Variants in SARNP observed in about 807,000 individuals in gnomAD.
The protein encoded by SARNP is SAP domain-containing ribonucleoprotein.
SARNP carries 5 observed loss-of-function variants against 38.1 expected under a neutral mutation model. The observed-to-expected ratio is 0.13, with a 90% CI of 0.07 to 0.28. SARNP has a LOEUF of 0.28. SARNP is among the 10% of genes least tolerant of loss of function. The pLI, the probability that SARNP is intolerant of heterozygous loss-of-function variation, is 1.00. For missense variants in SARNP, 180 were observed against 243.9 expected (o/e 0.74, Z 1.75); for synonymous variants, 84 against 80.6 (o/e 1.04, Z -0.23).
At chr12:55,817,159 C>T (rs764535874) in intron 1 of SARNP, among the ~76,000 whole-genome samples, 1 of 152,100 alleles carries the variant, frequency 6.6e-6, no homozygotes, top group Admixed American at 6.5e-5. Context: ...CGGCTTGGGG[C>T]GTAATCCCAC....
chr12:55,759,011 TG>T (rs1309949048), intron 10 of SARNP, among the ~76,000 whole-genome samples: 1 of 151,682 alleles, frequency 6.6e-6, no homozygotes, highest in Non-Finnish European at 1.5e-5. Flanking sequence ...CTGGAGTAGC[TG>T]GGACTACAGG....
intron 1 of SARNP, among the ~76,000 whole-genome samples, chr12:55,811,149 A>G (rs1191738607): frequency 6.6e-6 from 1 of 152,162 alleles, no homozygotes; most frequent in Non-Finnish European, 1.5e-5. Context: ...CTTTGAAGGC[A>G]GAGATGTTTT....
chr12:55,789,670 G>A (rs1466473608), intron 8 of SARNP, among the ~76,000 whole-genome samples: 2 of 152,074 alleles, frequency 1.3e-5, no homozygotes, highest in South Asian at 2.1e-4. Context: ...AGGGCCAGGC[G>A]CGGTGGCTCA....
chr12:55,757,502 G>C lies in SARNP; in HGVS notation c.*10C>G. 1 of 1,605,236 alleles carries C rather than the reference G, an allele frequency of 6.2e-7. No individual in the cohort carries two copies. The highest frequency in any genetic ancestry group is 1.3e-5 in the African/African-American group (1 of 74,536). On this transcript the variant is annotated 3_prime_UTR_variant, in exon 11 of 11. Transcript: ENST00000336133. ...AACACTGGAGAACAGAAAGTATCAG[G>C]AACTTTTCATCAGGCAATCCCAAAG...
intron 1 of SARNP, among the ~76,000 whole-genome samples, chr12:55,816,764 TTC>T (rs1880500126): frequency 2.6e-5 from 4 of 152,324 alleles, no homozygotes; most frequent in Admixed American, 2.6e-4. Flanking sequence ...TAAAATGTTC[TTC>T]TTTTTAATAT....
chr12:55,788,178 C>T (rs1057302169), intron 9 of SARNP, among the ~76,000 whole-genome samples: 4 of 152,298 alleles, frequency 2.6e-5, no homozygotes, highest in Admixed American at 1.3e-4. Context: ...ATAGAAAAAT[C>T]CTTATCATTT....
In SARNP at chr12:55,774,075, G is replaced by A. The variant is rs562597542; in HGVS notation, c.502-13435C>T. Among the ~76,000 whole-genome samples the A allele has an allele frequency of 2.0e-4, 31 of 152,112 alleles. No individual in the cohort carries two copies. In the South Asian group the frequency reaches 6.2e-3, roughly 31 times the overall value. ...GCTGGAGTGCAGTGGCACAACCATA[G>A]CTCGCTGCAGCCTGGACCTCCTTGG... On this transcript the variant is annotated intron_variant, in intron 9 of 10. Transcript: ENST00000336133.
intron 1 of SARNP, among the ~76,000 whole-genome samples, chr12:55,816,484 G>C (rs1418864526): frequency 1.3e-5 from 2 of 151,998 alleles, no homozygotes; most frequent in East Asian, 3.9e-4. Flanking sequence ...TAGAATCCAA[G>C]AGTAAGAAAA....
intron 1 of SARNP, among the ~76,000 whole-genome samples, chr12:55,813,180 G>A (rs1301765481): frequency 6.6e-6 from 1 of 152,064 alleles, no homozygotes; most frequent in Non-Finnish European, 1.5e-5. Flanking sequence ...TCCTGACCTC[G>A]TGATCTGCCC....
intron 4 of SARNP, among the ~76,000 whole-genome samples, chr12:55,799,720 A>C (rs1480190629): frequency 2.6e-5 from 4 of 151,050 alleles, no homozygotes; most frequent in African/African-American, 9.7e-5. Context: ...CGCCCAACTA[A>C]TTTTTGTATT....
At chr12:55,787,082 ACTGGCCAGGCATGGTGGCACACAT>A (rs1326021619) in intron 9 of SARNP, among the ~76,000 whole-genome samples, 1 of 151,470 alleles carries the variant, frequency 6.6e-6, no homozygotes, top group Non-Finnish European at 1.5e-5. Context: ...AAATTCAAAA[ACTGGCCAGGCATGGTGGCACACAT>A]CTGTGGTCCC....
chr12:55,809,929 G>A (rs939620822), intron 1 of SARNP, among the ~76,000 whole-genome samples: 1 of 152,150 alleles, frequency 6.6e-6, no homozygotes, highest in African/African-American at 2.4e-5. Context: ...GTGTAGGAAA[G>A]AAACTTTTTA....
At chr12:55,760,425 C>T (rs1310908552) in intron 10 of SARNP, 126 bp downstream of exon 10, 4 of 627,448 alleles carry the variant, frequency 6.4e-6, no homozygotes, top group Non-Finnish European at 1.1e-5. Context: ...CAACAGAGAC[C>T]CCAACTCGAC....
intron 10 of SARNP, among the ~76,000 whole-genome samples, chr12:55,759,949 G>C (rs907070379): frequency 1.3e-5 from 2 of 151,792 alleles, no homozygotes; most frequent in African/African-American, 4.8e-5. Flanking sequence ...TGTTGCCCAG[G>C]CTGGTCTCAA....
intron 9 of SARNP, among the ~76,000 whole-genome samples, chr12:55,778,358 G>T (rs1879245745): frequency 6.6e-6 from 1 of 151,974 alleles, no homozygotes; most frequent in Non-Finnish European, 1.5e-5. Context: ...TGTTGGCCAG[G>T]CTGGTCTCAA....
chr12:55,766,889 GCCT>G (rs2136180499), intron 9 of SARNP, among the ~76,000 whole-genome samples: 1 of 4,632 alleles, frequency 2.2e-4, no homozygotes, highest in South Asian at 0.019. Context: ...CCTAGTCTCT[GCCT>G]CCTAGTCTCT....
At chr12:55,775,617 A>G (rs543861495) in intron 9 of SARNP, among the ~76,000 whole-genome samples, 1 of 152,124 alleles carries the variant, frequency 6.6e-6, no homozygotes, top group Non-Finnish European at 1.5e-5. Context: ...AAGGAGTTAA[A>G]ATTTTCTAGA....
intron 1 of SARNP, among the ~76,000 whole-genome samples, chr12:55,808,248 T>C (rs1880214923): frequency 6.6e-6 from 1 of 151,960 alleles, no homozygotes; most frequent in Non-Finnish European, 1.5e-5. Flanking sequence ...GTTGGAAGGC[T>C]GAGGCAGGAG....
At chr12:55,779,003 AACAAAAC>A (rs1320531455) in intron 9 of SARNP, among the ~76,000 whole-genome samples, 5 of 151,966 alleles carry the variant, frequency 3.3e-5, no homozygotes, top group African/African-American at 9.7e-5. Flanking sequence ...AACAAAACAA[AACAAAAC>A]ACAAAACACA....
Sources: gnomAD v4.1 joint callset for allele counts (sites outside exome capture counted in the v4.1 genomes callset) on GRCh38, gnomAD v4.1.1 for gene constraint, MANE v1.5 for transcripts, NCBI Gene and HGNC (gene_info 2026-07-23, HGNC 2026-07-21) for gene names.